ERCC6L2: variants seen among roughly 807,000 people sequenced by gnomAD.
ERCC6L2 encodes the protein DNA excision repair protein ERCC-6-like 2.
In ERCC6L2, 77 loss-of-function variants were observed where a neutral mutation model predicts 132.0. The ratio of observed to expected loss-of-function variants is 0.58; its 90% CI spans 0.49 to 0.71. The LOEUF is 0.71. Ranked by LOEUF, ERCC6L2 falls within the 30% of genes least tolerant of loss-of-function variation. The pLI is 0.00. For missense variants in ERCC6L2, 1,542 were observed against 1,837.6 expected (o/e 0.84, Z 2.94); for synonymous variants, 583 against 632.4 (o/e 0.92, Z 1.17).
At chr9:95,909,457 T>A (rs1257707437) in intron 4 of ERCC6L2, among the ~76,000 whole-genome samples, 1 of 152,180 alleles carries the variant, frequency 6.6e-6, no homozygotes, top group Admixed American at 6.5e-5. Context: ...TTACAGTGGC[T>A]TTTCCTCAAC....
intron 3 of ERCC6L2, among the ~76,000 whole-genome samples, chr9:95,903,505 T>C (rs192055094): frequency 1.3e-5 from 2 of 152,118 alleles, no homozygotes; most frequent in East Asian, 3.9e-4. Context: ...TCCATTCTTA[T>C]ATTTCTTATT....
chr9:95,915,843 C>G lies in ERCC6L2; in HGVS notation c.950+14C>G, dbSNP rs887724815. 2 of 1,572,386 alleles carry G rather than the reference C, an allele frequency of 1.3e-6. No homozygotes were observed. Among genetic ancestry groups the G allele is most frequent in the Middle Eastern group, 1.7e-4 (1 of 5,842 alleles). The stretch of plus-strand genomic sequence containing the variant: ...TGTTATGGACTGGTGAGAGAAAACA[C>G]TTTTTAAAAAATTGTTTAATAGTTC... On this transcript the variant is annotated intron_variant, in intron 5 of 18. Transcript: ENST00000653738.
chr9:96,032,078 C>T (rs961159982), intron 19 of ERCC6L2, among the ~76,000 whole-genome samples: 2 of 152,196 alleles, frequency 1.3e-5, no homozygotes, highest in African/African-American at 2.4e-5. Context: ...GGGGCTACTT[C>T]CACATCTCCC....
At chr9:96,039,664 T>C (rs1834556426) in intron 20 of ERCC6L2, among the ~76,000 whole-genome samples, 1 of 152,068 alleles carries the variant, frequency 6.6e-6, no homozygotes, top group Non-Finnish European at 1.5e-5. Context: ...TTGGGGTGGC[T>C]TGACCCTGCA....
At chr9:95,876,871 A>G (rs1827299886) in intron 1 of ERCC6L2, 1 of 152,224 alleles carries the variant, frequency 6.6e-6, no homozygotes, top group Non-Finnish European at 1.5e-5. Context: ...TAATTCAGGG[A>G]CCAAACATAT....
intron 4 of ERCC6L2, 74 bp downstream of exon 4, chr9:95,907,345 T>G (rs569286989): frequency 7.3e-5 from 83 of 1,140,326 alleles, no homozygotes; most frequent in Middle Eastern, 3.1e-4. Context: ...AGAGTTTTTT[T>G]TTTTTTTTTT....
chr9:95,951,105 G>A (rs1195968723), intron 12 of ERCC6L2, among the ~76,000 whole-genome samples: 1 of 152,148 alleles, frequency 6.6e-6, no homozygotes, highest in Non-Finnish European at 1.5e-5. Context: ...CATTTTAAAA[G>A]ATTGAAATCA....
chr9:95,954,950 G>A lies in ERCC6L2; in HGVS notation c.1848-964G>A. ...AAAGGAGGCAGAGAGAACATCAAAT[G>A]TAACATATGGGTGACCTTATAAGTT... On this transcript the variant is annotated intron_variant, in intron 12 of 18. Transcript: ENST00000653738. 4 of 464,102 alleles carry A rather than the reference G, an allele frequency of 8.6e-6. No homozygotes were observed. In the Admixed American group the frequency reaches 9.6e-5, roughly 11 times the overall value. 28.7% of individuals were successfully genotyped at this position (464,102 alleles called of 1,614,324 possible). A position where few individuals can be genotyped will look rare whatever the true frequency, so the allele number is the denominator to read the frequency against.
chr9:96,007,971 G>A (rs1425366967), intron 18 of ERCC6L2, among the ~76,000 whole-genome samples: 1 of 152,088 alleles, frequency 6.6e-6, no homozygotes, highest in African/African-American at 2.4e-5. Context: ...GCTCTTTGGA[G>A]TGCTGGCGTG....
intron 1 of ERCC6L2, among the ~76,000 whole-genome samples, chr9:95,877,833 TAATA>T (rs1827367002): frequency 6.6e-6 from 1 of 151,710 alleles, no homozygotes; most frequent in Non-Finnish European, 1.5e-5. Flanking sequence ...AAAGAATGTG[TAATA>T]AATTCGCATG....
At chr9:96,036,559 G>A (rs1014896476) in intron 19 of ERCC6L2, among the ~76,000 whole-genome samples, 34 of 152,160 alleles carry the variant, frequency 2.2e-4, no homozygotes, top group African/African-American at 8.2e-4. Flanking sequence ...GATCACCTGG[G>A]AAGTCTAGTT....
intron 12 of ERCC6L2, among the ~76,000 whole-genome samples, chr9:95,946,972 TC>T (rs1831094906): frequency 6.6e-6 from 1 of 152,170 alleles, no homozygotes; most frequent in African/African-American, 2.4e-5. Context: ...TCTCATTCCC[TC>T]CCTTGGGCCT....
chr9:96,006,482 A>T (rs1318819471), intron 18 of ERCC6L2, among the ~76,000 whole-genome samples: 3 of 152,152 alleles, frequency 2.0e-5, no homozygotes, highest in Non-Finnish European at 2.9e-5. Flanking sequence ...ATGAGTTCGG[A>T]TGGAAGCAGT....
chr9:95,875,695 C>A lies in ERCC6L2; in HGVS notation c.-344C>A, dbSNP rs893037304. The A allele has an allele frequency of 1.8e-5, 7 of 391,878 alleles. No homozygotes were observed. Among genetic ancestry groups the A allele is most frequent in the African/African-American group, 1.4e-4 (7 of 49,192 alleles). The allele number at this position is 391,878 out of a possible 1,614,324, so 24.3% of individuals were successfully genotyped here. On this transcript the variant is annotated 5_prime_UTR_variant, in exon 1 of 19. Coordinates refer to ENST00000653738, the MANE Select transcript of ERCC6L2 (RefSeq NM_020207.7). Reference sequence around the variant, plus strand: ...GGGGGTTAGGAGACGGAAGTCAGAGCCTAGGAAGATTTGGGGGTCGCCTTG... The same window carrying A: ...GGGGGTTAGGAGACGGAAGTCAGAGACTAGGAAGATTTGGGGGTCGCCTTG...
At chr9:96,025,137 G>A (rs555553174) in intron 19 of ERCC6L2, among the ~76,000 whole-genome samples, 2 of 152,210 alleles carry the variant, frequency 1.3e-5, no homozygotes, top group East Asian at 1.9e-4. Flanking sequence ...TGAAAATGAC[G>A]CAGACTGGTT....
At chr9:95,984,630 A>G (rs1279654228) in intron 17 of ERCC6L2, among the ~76,000 whole-genome samples, 1 of 152,076 alleles carries the variant, frequency 6.6e-6, no homozygotes, top group Non-Finnish European at 1.5e-5. Context: ...TTTTATTATG[A>G]TTATATACAT....
At chr9:95,993,044 C>A (rs1833354702) in intron 17 of ERCC6L2, among the ~76,000 whole-genome samples, 1 of 152,152 alleles carries the variant, frequency 6.6e-6, no homozygotes, top group African/African-American at 2.4e-5. Context: ...ATGGACCTAT[C>A]TATTAGTACT....
At chr9:96,018,652 TA>T (rs1308975511), downstream of ERCC6L2, among the ~76,000 whole-genome samples, 2 of 144,170 alleles carry the variant, frequency 1.4e-5, no homozygotes, top group Admixed American at 7.0e-5. Context: ...TTTTTTTTTT[TA>T]GAGACAGGGT....
chr9:95,890,606 TA>T (rs1828106601), intron 2 of ERCC6L2, among the ~76,000 whole-genome samples: 1 of 152,222 alleles, frequency 6.6e-6, no homozygotes, highest in Non-Finnish European at 1.5e-5. Context: ...GTTTATTATA[TA>T]CAAGATCATA....
Sources: gnomAD v4.1 joint callset for allele counts (sites outside exome capture counted in the v4.1 genomes callset) on GRCh38, gnomAD v4.1.1 for gene constraint, MANE v1.5 for transcripts, NCBI Gene and HGNC (gene_info 2026-07-23, HGNC 2026-07-21) for gene names.